The following CDKN2B-AS1 variants were observed in gnomAD, a reference collection of about 807,000 sequenced individuals.
CDKN2B-AS1 encodes the protein CDKN2B antisense RNA 1 (non-protein coding).
intron 1 of CDKN2B-AS1, among the ~76,000 whole-genome samples, chr9:22,024,888 C>G (rs1203445138): frequency 6.6e-6 from 1 of 152,164 alleles, no homozygotes; most frequent in Non-Finnish European, 1.5e-5. Flanking sequence ...ATTCTGTGGG[C>G]CACCACAGCA....
intron 4 of CDKN2B-AS1, among the ~76,000 whole-genome samples, chr9:22,068,243 A>G (rs1194496177): frequency 3.3e-5 from 5 of 152,186 alleles, no homozygotes; most frequent in Non-Finnish European, 5.9e-5. Flanking sequence ...ACTATGAACA[A>G]GACAGAAAAG....
At chr9:22,063,378 T>A (rs1395601397) in intron 4 of CDKN2B-AS1, among the ~76,000 whole-genome samples, 1 of 152,170 alleles carries the variant, frequency 6.6e-6, no homozygotes, top group African/African-American at 2.4e-5. Context: ...GTTGCCTGCT[T>A]AAAGTAAGGA....
chr9:22,008,964 C>G, intron 1 of CDKN2B-AS1: 1 of 1,613,252 alleles, frequency 6.2e-7, no homozygotes, highest in Middle Eastern at 1.7e-4. Flanking sequence ...TCCGCAGCCC[C>G]CAGACGCGCA....
chr9:22,103,071 T>C (rs1237186669), intron 4 of CDKN2B-AS1, among the ~76,000 whole-genome samples: 1 of 151,654 alleles, frequency 6.6e-6, no homozygotes, highest in African/African-American at 2.4e-5. Context: ...AAACTAGAAA[T>C]CTTACTAGTG....
chr9:22,023,321 T>A (rs977625235), intron 1 of CDKN2B-AS1, among the ~76,000 whole-genome samples: 5 of 152,210 alleles, frequency 3.3e-5, no homozygotes, highest in African/African-American at 1.2e-4. Context: ...TGTTTATTCA[T>A]TTTTATTCTT....
intron 1 of CDKN2B-AS1, among the ~76,000 whole-genome samples, chr9:22,044,918 C>T (rs577403094): frequency 1.3e-5 from 2 of 152,112 alleles, no homozygotes; most frequent in East Asian, 1.9e-4. Context: ...ACTCTATATT[C>T]AAGTTATAAA....
intron 4 of CDKN2B-AS1, among the ~76,000 whole-genome samples, chr9:22,082,461 A>G (rs1350319523): frequency 4.6e-5 from 7 of 152,242 alleles, no homozygotes; most frequent in Non-Finnish European, 1.0e-4. Context: ...AAGATCACAC[A>G]TGTGGAAAGC....
rs1424424928 is a variant in CDKN2B-AS1, at chr9:22,005,915, C to G, written n.29+10754C>G. The G allele has an allele frequency of 1.3e-6, 2 of 1,567,568 alleles. No individual in the cohort carries two copies. Among genetic ancestry groups the G allele is most frequent in the Non-Finnish European group, 8.6e-7 (1 of 1,163,000 alleles). ...GCCGCTCCCCGTTGGCAGCCTTCAT[C>G]GAATTAGGTGGGTGGGGGTGGGAAA... On this transcript the variant is annotated intron_variant and non_coding_transcript_variant, in intron 1 of 4. Coordinates refer to ENST00000650946, the Ensembl canonical transcript of CDKN2B-AS1. The surrounding 1 kb of genome is among the most constrained non-coding windows in gnomAD (Gnocchi z 4.9).
intron 4 of CDKN2B-AS1, among the ~76,000 whole-genome samples, chr9:22,115,027 A>G (rs2383206): frequency 0.5 from 75,253 of 151,922 alleles, 18,894 homozygotes; most frequent in Middle Eastern, 0.7. Flanking sequence ...TTATTGTAGT[A>G]TTTGCAAGAT....
chr9:22,006,755 C>T lies in CDKN2B-AS1; in HGVS notation n.29+11594C>T, dbSNP rs1238071463. On this transcript the variant is annotated intron_variant and non_coding_transcript_variant, in intron 1 of 4. Coordinates refer to ENST00000650946, the Ensembl canonical transcript of CDKN2B-AS1. This position sits in a 1 kb window ranked among gnomAD's most constrained non-coding sequence, Gnocchi z 6.4. ...AATAAACAACTAAGTTTTTTTCTTT[C>T]TTTTTTTTTTAATTTATTTAGTTCT... Among the ~76,000 whole-genome samples the T allele has an allele frequency of 6.8e-6, 1 of 148,060 alleles. No individual in the cohort carries two copies. The highest frequency in any genetic ancestry group is 1.5e-5 in the Non-Finnish European group (1 of 66,708).
chr9:22,038,197 AT>A lies in CDKN2B-AS1; in HGVS notation n.30-8545del, dbSNP rs941171579. ...CACTACAACAGACATAAAATTATGG[AT>A]TTTTTTTTCAGTGCAATTTTCATAT... On this transcript the variant is annotated intron_variant and non_coding_transcript_variant, in intron 1 of 4. Transcript: ENST00000650946. Among the ~76,000 whole-genome samples, 203 of 151,394 alleles carry A rather than the reference AT, an allele frequency of 1.3e-3. 1 individual carries two copies. Among genetic ancestry groups the A allele is most frequent in the African/African-American group, 4.5e-3 (186 of 41,334 alleles).
At chr9:22,086,738 A>G (rs1563972553) in intron 4 of CDKN2B-AS1, among the ~76,000 whole-genome samples, 1 of 152,108 alleles carries the variant, frequency 6.6e-6, no homozygotes, top group East Asian at 1.9e-4. Context: ...AACCCCAGAG[A>G]TTATTTATTT....
intron 4 of CDKN2B-AS1, among the ~76,000 whole-genome samples, chr9:22,114,159 C>T (rs72654250): frequency 9.2e-5 from 14 of 152,192 alleles, no homozygotes; most frequent in Non-Finnish European, 1.9e-4. Flanking sequence ...ATTACTCCAA[C>T]CTCCTCTCCC....
At chr9:22,008,694 C>G in intron 1 of CDKN2B-AS1, 12 of 1,611,046 alleles carry the variant, frequency 7.4e-6, no homozygotes, top group Non-Finnish European at 8.5e-6. Context: ...ACGGAGACTC[C>G]TGTACAAATC....
At chr9:22,097,474 C>T (rs895378573) in intron 4 of CDKN2B-AS1, 3 of 152,156 alleles carry the variant, frequency 2.0e-5, no homozygotes, top group African/African-American at 7.2e-5. Flanking sequence ...TTTTGCCAAA[C>T]CTTTGTGCTT....
At chr9:22,098,167 G>C (rs949796543) in intron 4 of CDKN2B-AS1, among the ~76,000 whole-genome samples, 16 of 151,666 alleles carry the variant, frequency 1.1e-4, no homozygotes, top group African/African-American at 3.9e-4. Flanking sequence ...CTGTGTGTGT[G>C]TGTGTGTGTG....
intron 4 of CDKN2B-AS1, among the ~76,000 whole-genome samples, chr9:22,100,521 C>T (rs1335550085): frequency 6.6e-6 from 1 of 152,134 alleles, no homozygotes; most frequent in Non-Finnish European, 1.5e-5. Context: ...CTACAAAATA[C>T]TCTATTTTAT....
chr9:22,023,106 A>T (rs1039394290), intron 1 of CDKN2B-AS1, among the ~76,000 whole-genome samples: 7 of 151,980 alleles, frequency 4.6e-5, no homozygotes, highest in African/African-American at 1.7e-4. Flanking sequence ...TGTCTTGGGG[A>T]TGAACTTATT....
chr9:22,013,253 G>A (rs1159370352), intron 1 of CDKN2B-AS1, among the ~76,000 whole-genome samples: 1 of 152,072 alleles, frequency 6.6e-6, no homozygotes, highest in East Asian at 1.9e-4. Flanking sequence ...TGAGGTATTG[G>A]GCTTAGGACT....
Sources: allele counts gnomAD v4.1 joint callset (sites outside exome capture counted in the v4.1 genomes callset), GRCh38; gene constraint gnomAD v4.1.1; non-coding constraint Gnocchi (gnomAD v3.1); transcripts MANE v1.5; gene names NCBI Gene and HGNC (gene_info 2026-07-23, HGNC 2026-07-21).